Variants in NCKAP5 observed in about 807,000 individuals in gnomAD.
The protein encoded by NCKAP5 is nck-associated protein 5.
In NCKAP5, 92 loss-of-function variants were observed where a neutral mutation model predicts 167.0. The observed-to-expected ratio is 0.55, with a 90% CI of 0.47 to 0.66. The LOEUF is 0.66. Ranked by LOEUF, NCKAP5 falls within the 30% of genes least tolerant of loss-of-function variation. The pLI is 0.00. For missense variants in NCKAP5, 2,378 were observed against 2,315.0 expected (o/e 1.03, Z -0.56); for synonymous variants, 891 against 877.4 (o/e 1.02, Z -0.27).
At chr2:132,854,867 T>C (rs947475951) in intron 11 of NCKAP5, among the ~76,000 whole-genome samples, 8 of 152,212 alleles carry the variant, frequency 5.3e-5, no homozygotes, top group East Asian at 3.9e-4. Context: ...AAAAATGACA[T>C]ACAAAGTGGA....
At chr2:133,335,791 GAAGTA>G (rs1683172464) in intron 3 of NCKAP5, among the ~76,000 whole-genome samples, 3 of 152,160 alleles carry the variant, frequency 2.0e-5, no homozygotes, top group Non-Finnish European at 2.9e-5. Context: ...TTTGCTAAGT[GAAGTA>G]ATTAGAACTG....
chr2:133,231,782 T>G (rs1191707599), intron 4 of NCKAP5, among the ~76,000 whole-genome samples: 2 of 152,126 alleles, frequency 1.3e-5, no homozygotes, highest in Non-Finnish European at 2.9e-5. Context: ...ACTCTCATGA[T>G]CTCTAAATTT....
intron 13 of NCKAP5, among the ~76,000 whole-genome samples, chr2:132,788,765 T>A (rs1341017145): frequency 6.6e-6 from 1 of 152,216 alleles, no homozygotes; most frequent in Non-Finnish European, 1.5e-5. Context: ...CAATCAATAA[T>A]ATATTAATTG....
intron 3 of NCKAP5, among the ~76,000 whole-genome samples, chr2:133,446,502 C>T (rs560767725): frequency 3.0e-4 from 46 of 152,268 alleles, no homozygotes; most frequent in African/African-American, 9.1e-4. Flanking sequence ...GATGGAAACA[C>T]TGAAGCAAGG....
Position 132,731,896 on chromosome 2 carries a change from A to T in NCKAP5, c.5284T>A (p.Ser1762Thr). 2 of 1,613,918 alleles carry T rather than the reference A, an allele frequency of 1.2e-6. No homozygotes were observed. Among genetic ancestry groups the T allele is most frequent in the Non-Finnish European group, 1.7e-6 (2 of 1,179,876 alleles). ...LPLQSALSAVSSMRAQTLERE... is the reference protein window; with the variant it reads ...LPLQSALSAVTSMRAQTLERE... Reference sequence around the variant, plus strand: ...TCAAGGGTTTGGGCTCTCATGGAAGAAACTGCAGAAAGGGCTGACTGGAGA... The same window carrying T: ...TCAAGGGTTTGGGCTCTCATGGAAGTAACTGCAGAAAGGGCTGACTGGAGA... Residue 1762 changes from serine (S) to threonine (T), a missense_variant, in exon 17 of 20, where the codon TCT (serine) becomes ACT (threonine). Around this residue, in one of 3 missense-constraint regions of NCKAP5, gnomAD observed 1,325 missense variants for 1,274.5 expected, o/e 1.04. Transcript: ENST00000409261.
rs55826486 is a variant in NCKAP5 at position 132,795,820 on chromosome 2, GAA to G, written c.909+806_909+807del. Among the ~76,000 whole-genome samples the G allele has an allele frequency of 5.1e-3, 433 of 85,034 alleles. 4 individuals carry two copies. In the East Asian group the frequency reaches 0.057, roughly 11 times the overall value. The allele number at this position is 85,034 out of a possible 152,430, so 55.8% of individuals were successfully genotyped here. ...GGCAACAGGATGAGACCCCGTATCA[GAA>G]AAAAAAAAAAAAAAAACAAAAAAAA... On this transcript the variant is annotated intron_variant, in intron 12 of 19. Transcript: ENST00000409261.
intron 5 of NCKAP5, 95 bp from the exon 6 acceptor site, chr2:133,130,206 T>A (rs531174204): frequency 7.3e-7 from 1 of 1,370,770 alleles, no homozygotes; most frequent in Non-Finnish European, 9.8e-7. Flanking sequence ...GCTTTATATA[T>A]ATGAATTTCA....
chr2:133,012,777 G>C (rs964861509), intron 6 of NCKAP5, among the ~76,000 whole-genome samples: 3 of 151,952 alleles, frequency 2.0e-5, no homozygotes, highest in African/African-American at 4.8e-5. Flanking sequence ...TGCCCTATCT[G>C]CTCATTCTGT....
Position 132,782,030 on chromosome 2 carries a change from ATGT to A in NCKAP5, c.4778_4780del (p.Asp1593_Ile1594delinsVal). 6.2e-7 allele frequency: 1 copy of A among 1,613,948 alleles called. No homozygotes were observed. The highest frequency in any genetic ancestry group is 8.5e-7 in the Non-Finnish European group (1 of 1,179,886). On this transcript the variant is annotated inframe_deletion, in exon 14 of 20. Transcript: ENST00000409261. ...TGGTTCAATCTTCAGTTGGTTGTAA[ATGT>A]CTTGTGGTGTTCTCCGATTATTTTT...
chr2:132,919,933 C>G (rs1343096546), intron 8 of NCKAP5, among the ~76,000 whole-genome samples: 5 of 152,138 alleles, frequency 3.3e-5, no homozygotes, highest in Admixed American at 3.3e-4. Flanking sequence ...TTGTGTCTAC[C>G]TTAGTTATCA....
At chr2:133,139,961 G>A (rs1489775973) in intron 5 of NCKAP5, among the ~76,000 whole-genome samples, 4 of 152,054 alleles carry the variant, frequency 2.6e-5, no homozygotes, top group Admixed American at 2.0e-4. Flanking sequence ...TCCCTTACCC[G>A]AATCTTTTCC....
rs779400785 is a variant in NCKAP5 at position 132,963,839 on chromosome 2, T to C, written c.460A>G (p.Lys154Glu). ...EKLSEEERKHKEALEDLHMVV... is the reference protein window; with the variant it reads ...EKLSEEERKHEEALEDLHMVV... ...ATGTGAAGATCTTCCAAAGCTTCCTTATGTTTTCTCTCTTCCTCTGACAGC... is the reference window on the plus strand; with the variant it reads ...ATGTGAAGATCTTCCAAAGCTTCCTCATGTTTTCTCTCTTCCTCTGACAGC... The change falls in exon 8 of 20, where the codon AAG becomes GAG. Residue 154 changes from lysine to glutamate, a missense_variant. Lys to Glu is a moderately conservative substitution (Grantham distance 56). Coordinates refer to ENST00000409261, the MANE Select transcript of NCKAP5 (RefSeq NM_207363.3). The C allele has an allele frequency of 1.4e-5, 23 of 1,613,746 alleles. No homozygotes were observed. The highest frequency in any genetic ancestry group is 1.9e-5 in the Non-Finnish European group (23 of 1,179,846).
intron 3 of NCKAP5, among the ~76,000 whole-genome samples, chr2:133,383,168 A>G (rs138135749): frequency 6.6e-6 from 1 of 151,964 alleles, no homozygotes; most frequent in Admixed American, 6.5e-5. Context: ...TGTACCCATT[A>G]ACTTATCATT....
At chr2:133,173,437 T>C (rs1199354810) in intron 5 of NCKAP5, among the ~76,000 whole-genome samples, 2 of 152,210 alleles carry the variant, frequency 1.3e-5, no homozygotes, top group African/African-American at 4.8e-5. Flanking sequence ...ATTGTTGATT[T>C]TGGCAAGAAT....
chr2:133,378,518 T>A (rs1294579990), intron 3 of NCKAP5, among the ~76,000 whole-genome samples: 2 of 152,188 alleles, frequency 1.3e-5, no homozygotes, highest in Admixed American at 6.5e-5. Flanking sequence ...TTCCACTGCA[T>A]GCAAACCTCA....
intron 3 of NCKAP5, among the ~76,000 whole-genome samples, chr2:133,512,302 G>C (rs1441751907): frequency 6.6e-6 from 1 of 152,096 alleles, no homozygotes; most frequent in Non-Finnish European, 1.5e-5. Flanking sequence ...GCCTAAACCT[G>C]TTCCTCTGCC....
intron 11 of NCKAP5, among the ~76,000 whole-genome samples, chr2:132,814,048 C>T (rs560873698): frequency 5.9e-4 from 90 of 152,294 alleles, no homozygotes; most frequent in Non-Finnish European, 1.1e-3. Context: ...TTGCTGGAGT[C>T]CCATTCATTT....
At chr2:133,274,997 T>C (rs561949746) in intron 4 of NCKAP5, among the ~76,000 whole-genome samples, 4 of 150,482 alleles carry the variant, frequency 2.7e-5, no homozygotes, top group Non-Finnish European at 5.9e-5. Context: ...AGTCAAGGCA[T>C]AGACTAGAAG....
intron 1 of NCKAP5, among the ~76,000 whole-genome samples, chr2:133,567,313 G>C (rs548321345): frequency 1.2e-4 from 19 of 152,356 alleles, no homozygotes; most frequent in African/African-American, 4.6e-4. Flanking sequence ...GGTGGCAACA[G>C]AGAATAGCTC....
Sources: gnomAD v4.1 joint callset for allele counts (sites outside exome capture counted in the v4.1 genomes callset) on GRCh38, gnomAD v4.1.1 for gene constraint, gnomAD v4.1.1 regional missense constraint, MANE v1.5 for transcripts, NCBI Gene and HGNC (gene_info 2026-07-23, HGNC 2026-07-21) for gene names.